The following ZMYM6 variants were observed in gnomAD, a reference collection of about 807,000 sequenced individuals.
ZMYM6 encodes zinc finger MYM-type protein 6.
Under a neutral mutation model 134.0 loss-of-function variants are expected in ZMYM6, and 90 were observed. The observed-to-expected ratio is 0.67, with a 90% CI of 0.57 to 0.80. The LOEUF (loss-of-function observed/expected upper bound fraction) is 0.80, where lower values mean the gene tolerates loss of function less well. Ranked by LOEUF, ZMYM6 falls within the 30% of genes least tolerant of loss-of-function variation. The pLI is 0.00. For synonymous variants in ZMYM6, 481 were observed against 524.1 expected (o/e 0.92, Z 1.12); for missense variants, 1,362 against 1,533.9 (o/e 0.89, Z 1.87).
In ZMYM6 at chr1:34,986,827, G is replaced by T; in HGVS notation, c.*277C>A. ...AAGGCCAAGCTGTTTCAACATCCAG[G>T]TTGTGCTGTTACATTATAAACTGGG... On this transcript the variant is annotated 3_prime_UTR_variant, in exon 16 of 16. Transcript: ENST00000357182. The T allele has an allele frequency of 4.9e-6, 1 of 203,252 alleles. No individual in the cohort carries two copies. The highest frequency in any genetic ancestry group is 1.1e-4 in the East Asian group (1 of 9,206). 12.6% of individuals were successfully genotyped at this position (203,252 alleles called of 1,614,324 possible). A position where few individuals can be genotyped will look rare whatever the true frequency, so the allele number is the denominator to read the frequency against.
chr1:35,007,582 T>C (rs1016989385), intron 11 of ZMYM6, among the ~76,000 whole-genome samples: 8 of 151,568 alleles, frequency 5.3e-5, no homozygotes, highest in African/African-American at 1.9e-4. Context: ...AGTAAGACTC[T>C]GTCTCAATAG....
At position 34,987,650 on chromosome 1, in the gene ZMYM6, A is replaced by G. The variant is rs1292060750; in HGVS notation, c.3432T>C (p.Ile1144=). ...LTTFFNLCNK[I]DVFKRKLKMW... ...TTTTTAACTTTCTCTTAAATACATC[A>G]ATTTTATTACACAAATTGAAGAAAG... Residue 1144 remains isoleucine (I), a synonymous_variant, in exon 16 of 16, where the codon ATT becomes ATC. Transcript: ENST00000357182. 2 of 1,566,628 alleles carry G rather than the reference A, an allele frequency of 1.3e-6. No individual in the cohort carries two copies. Among genetic ancestry groups the G allele is most frequent in the African/African-American group, 1.4e-5 (1 of 73,266 alleles).
rs192755066 is a variant in ZMYM6 at position 34,994,206 on chromosome 1, A to G, written c.1993-1819T>C. 2.4e-3 allele frequency among the ~76,000 whole-genome samples: 364 copies of G among 152,330 alleles called. 1 individual carries two copies. Among genetic ancestry groups the G allele is most frequent in the African/African-American group, 8.4e-3 (349 of 41,578 alleles). On this transcript the variant is annotated intron_variant, in intron 14 of 15. Coordinates refer to ENST00000357182, the MANE Select transcript of ZMYM6 (RefSeq NM_007167.4). ...AAAGTTCTGCTCATATGAGCCTTAC[A>G]TTCTAGAGGAAGACACAAAAAATAA...
rs1469724498 is a variant in ZMYM6, at chr1:34,988,517, T to A, written c.2565A>T (p.Pro855=). 6.4e-7 allele frequency: 1 copy of A among 1,550,994 alleles called. No homozygotes were observed. The highest frequency in any genetic ancestry group is 1.2e-5 in the South Asian group (1 of 83,796). The change falls in exon 16 of 16, where the codon CCA becomes CCT. Residue 855 remains proline (P), a synonymous_variant. Coordinates refer to ENST00000357182, the MANE Select transcript of ZMYM6 (RefSeq NM_007167.4). ...CTTCTGAACACATTTCTACTAAATA[T>A]GGTTTAATTAATTCTTCAGCAATGG... is the stretch of plus-strand genomic sequence containing the variant. ...PFSIAEELIK[P]YLVEMCSEVL...
At position 35,015,105 on chromosome 1, in the gene ZMYM6, G is replaced by C; in HGVS notation, c.486C>G (p.Ser162Arg). 2 of 1,613,652 alleles carry C rather than the reference G, an allele frequency of 1.2e-6. No individual in the cohort carries two copies. Among genetic ancestry groups the C allele is most frequent in the Non-Finnish European group, 1.7e-6 (2 of 1,179,886 alleles). ...AGCATGATTGGCTGCAGAAATCTTT[G>C]CTAGGATAGGAATTCTCAAAGCGAG... ...ITTRFENSYP[S>R]KDFCSQSCLS... Residue 162 changes from serine to arginine, a missense_variant, in exon 5 of 16, where the codon AGC becomes AGG. By Grantham distance (110) the Ser-to-Arg change is moderately radical. Around this residue, in one of 3 missense-constraint regions of ZMYM6, gnomAD observed 503 missense variants for 520.8 expected, o/e 0.97. Coordinates refer to ENST00000357182, the MANE Select transcript of ZMYM6 (RefSeq NM_007167.4).
At chr1:34,995,212 GCTCT>G (rs76536721) in intron 14 of ZMYM6, among the ~76,000 whole-genome samples, 1 of 146,374 alleles carries the variant, frequency 6.8e-6, no homozygotes, top group Admixed American at 6.9e-5. Context: ...AGTGCTAAGT[GCTCT>G]CTCTCTATAT....
intron 14 of ZMYM6, among the ~76,000 whole-genome samples, chr1:35,001,687 CA>C (rs1397760806): frequency 6.6e-6 from 1 of 151,900 alleles, no homozygotes; most frequent in Non-Finnish European, 1.5e-5. Flanking sequence ...TAATTTAATG[CA>C]AAATACATAA....
chr1:34,997,529 T>A (rs1434045847), intron 14 of ZMYM6, among the ~76,000 whole-genome samples: 1 of 152,200 alleles, frequency 6.6e-6, no homozygotes, highest in Non-Finnish European at 1.5e-5. Flanking sequence ...GGTCTTGAAC[T>A]CCTGCCCTTA....
chr1:35,008,740 T>C lies in ZMYM6; in HGVS notation c.1665+12A>G, dbSNP rs559390033. 3 of 1,602,754 alleles carry C rather than the reference T, an allele frequency of 1.9e-6. No homozygotes were observed. The South Asian group carries it at 3.4e-5, about 18-fold the overall frequency. ...TTTCAGAAAGCCAAAAAAAGTATAT[T>C]ATCACATTTACCTGATAAAACAGAA... On this transcript the variant is annotated intron_variant, in intron 11 of 15. Transcript: ENST00000357182.
chr1:35,011,959 C>T lies in ZMYM6; in HGVS notation c.993G>A (p.Gln331=). 6.2e-7 allele frequency: 1 copy of T among 1,610,520 alleles called. No individual in the cohort carries two copies. Among genetic ancestry groups the T allele is most frequent in the Non-Finnish European group, 8.5e-7 (1 of 1,177,912 alleles). ...CHSCKTSAIP[Q]YHLAMSNGTI... is the part of the protein sequence containing the mutation. The stretch of plus-strand genomic sequence containing the variant: ...TTCCATTTGACATGGCTAGGTGATA[C>T]TGAGGGATTGCTGAGGTTTTACAAC... The change falls in exon 8 of 16, where the codon CAG becomes CAA. Residue 331 remains glutamine (Q), a synonymous_variant. Transcript: ENST00000357182.
intron 15 of ZMYM6, among the ~76,000 whole-genome samples, chr1:34,991,794 A>AC (rs1640679979): frequency 2.0e-5 from 3 of 151,920 alleles, no homozygotes; most frequent in African/African-American, 4.8e-5. Flanking sequence ...AAACAAACAA[A>AC]AAAAAACCCA....
chr1:35,029,249 T>C (rs1376713523), intron 2 of ZMYM6, among the ~76,000 whole-genome samples: 1 of 152,198 alleles, frequency 6.6e-6, no homozygotes, highest in Non-Finnish European at 1.5e-5. Context: ...TAACAAGGTC[T>C]GCTACGTCCT....
At position 35,007,117 on chromosome 1, in the gene ZMYM6, A is replaced by C. The variant is rs1640995495; in HGVS notation, c.1666-19T>G. On this transcript the variant is annotated intron_variant, in intron 11 of 15. Coordinates refer to ENST00000357182, the MANE Select transcript of ZMYM6 (RefSeq NM_007167.4). ...TGGCCATCTGAAAAAGAAATGTTAG[A>C]CAAGATAGGCTTAAAACTATAAAAT... is the stretch of plus-strand genomic sequence containing the variant. 1 of 1,585,118 alleles carries C rather than the reference A, an allele frequency of 6.3e-7. No individual in the cohort carries two copies. The highest frequency in any genetic ancestry group is 1.4e-5 in the African/African-American group (1 of 73,526).
chr1:35,007,489 G>A (rs917491583), intron 11 of ZMYM6, among the ~76,000 whole-genome samples: 5 of 152,094 alleles, frequency 3.3e-5, no homozygotes, highest in African/African-American at 1.2e-4. Flanking sequence ...TTAGAAGGCT[G>A]AGGTAAGATA....
chr1:34,988,848 T>A lies in ZMYM6; in HGVS notation c.2234A>T (p.Asp745Val), dbSNP rs1182094900. 1 of 1,595,618 alleles carries A rather than the reference T, an allele frequency of 6.3e-7. No individual in the cohort carries two copies. Among genetic ancestry groups the A allele is most frequent in the Non-Finnish European group, 8.6e-7 (1 of 1,168,956 alleles). Residue 745 changes from aspartate to valine, a missense_variant, in exon 16 of 16, where the codon GAT becomes GTT. Transcript: ENST00000357182. ...AAAACCAACTTTTAAATATTCTGTA[T>A]CATAAGTCTGGAAAAAACCTAATCT... ...KKRLGFFQTY[D>V]TEYLKVGFII...
At chr1:35,015,743 A>AAAAAAAAT in intron 4 of ZMYM6, among the ~76,000 whole-genome samples, 9 of 106,466 alleles carry the variant, frequency 8.5e-5, no homozygotes, top group African/African-American at 5.9e-4. Context: ...AAAAAAAAAA[A>AAAAAAAAT]ATATATATAT....
chr1:35,024,801 T>C (rs1360585941), intron 2 of ZMYM6, among the ~76,000 whole-genome samples: 1 of 152,158 alleles, frequency 6.6e-6, no homozygotes. Flanking sequence ...CATATAGATT[T>C]AGGGCTCCTT....
rs1037059077 is a variant in ZMYM6 at position 34,993,205 on chromosome 1, A to G, written c.1993-818T>C. On this transcript the variant is annotated intron_variant, in intron 14 of 15. Transcript: ENST00000357182. The stretch of plus-strand genomic sequence containing the variant: ...CAGCTCACTGCAACCTTCGCCTCCC[A>G]GGTTCAAGCAGTTCTTGTGCCTCAG... Among the ~76,000 whole-genome samples, 11 of 150,952 alleles carry G rather than the reference A, an allele frequency of 7.3e-5. No homozygotes were observed. The East Asian group carries it at 7.8e-4, about 11-fold the overall frequency.
At chr1:34,994,773 GACTCA>G (rs1265275088) in intron 14 of ZMYM6, among the ~76,000 whole-genome samples, 1 of 151,710 alleles carries the variant, frequency 6.6e-6, no homozygotes, top group Non-Finnish European at 1.5e-5. Context: ...CGTCCACCCA[GACTCA>G]ACCTTGAACA....
Sources: allele counts gnomAD v4.1 joint callset (sites outside exome capture counted in the v4.1 genomes callset), GRCh38; gene constraint gnomAD v4.1.1; regional missense constraint gnomAD v4.1.1; transcripts MANE v1.5; gene names NCBI Gene and HGNC (gene_info 2026-07-23, HGNC 2026-07-21).